Variants in CDH18 observed in about 807,000 individuals in gnomAD.
CDH18 encodes the protein cadherin-18.
In CDH18, 31 loss-of-function variants were observed where a neutral mutation model predicts 67.9. The observed-to-expected ratio is 0.46, with a 90% confidence interval of 0.34 to 0.62. The LOEUF is 0.62. Among genes scored for constraint, CDH18 ranks in the 20% least tolerant of loss-of-function variants. The pLI is 0.01. For synonymous variants in CDH18, 362 were observed against 347.2 expected (o/e 1.04, Z -0.48); for missense variants, 890 against 975.5 (o/e 0.91, Z 1.17).
intron 2 of CDH18, among the ~76,000 whole-genome samples, chr5:19,887,572 C>CT (rs560478741): frequency 1.3e-3 from 203 of 150,430 alleles, no homozygotes; most frequent in African/African-American, 2.6e-3. Context: ...CTGGGACTTG[C>CT]TTTTTTTTTC....
At chr5:19,704,766 T>C (rs1435398153) in intron 5 of CDH18, among the ~76,000 whole-genome samples, 1 of 152,124 alleles carries the variant, frequency 6.6e-6, no homozygotes, top group East Asian at 1.9e-4. Context: ...AGCTCCAACA[T>C]TTTCCCCCTG....
intron 2 of CDH18, among the ~76,000 whole-genome samples, chr5:19,886,539 C>T (rs960622933): frequency 6.6e-6 from 1 of 152,122 alleles, no homozygotes; most frequent in South Asian, 2.1e-4. Flanking sequence ...TTAGGATGTT[C>T]CTGAGATTTG....
intron 3 of CDH18, among the ~76,000 whole-genome samples, chr5:19,811,010 A>G (rs957254217): frequency 1.3e-5 from 2 of 150,966 alleles, no homozygotes; most frequent in African/African-American, 4.9e-5. Context: ...ATGACAGAAA[A>G]AGACTCTGTC....
intron 1 of CDH18, among the ~76,000 whole-genome samples, chr5:20,293,272 A>T (rs980432733): frequency 2.6e-5 from 4 of 152,110 alleles, no homozygotes; most frequent in Admixed American, 2.0e-4. Context: ...AGCTGAGATC[A>T]CGCCATTGCA....
chr5:19,506,314 G>A (rs551715545), intron 10 of CDH18, among the ~76,000 whole-genome samples: 8 of 152,200 alleles, frequency 5.3e-5, no homozygotes, highest in Admixed American at 2.6e-4. Flanking sequence ...AATCAATATT[G>A]TGAAAATGGC....
intron 1 of CDH18, among the ~76,000 whole-genome samples, chr5:20,354,923 T>C (rs6870586): frequency 2.6e-5 from 4 of 152,008 alleles, no homozygotes; most frequent in Admixed American, 6.6e-5. Context: ...ATGAAAGGTA[T>C]GCTTCCAATA....
intron 1 of CDH18, among the ~76,000 whole-genome samples, chr5:20,259,391 T>A (rs549940009): frequency 6.6e-6 from 1 of 152,154 alleles, no homozygotes; most frequent in Non-Finnish European, 1.5e-5. Flanking sequence ...TTGAACTACA[T>A]GGTTCCATTT....
chr5:20,498,882 A>G lies in CDH18; in HGVS notation c.-580+76580T>C, dbSNP rs1027058491. Among the ~76,000 whole-genome samples, 6 of 152,236 alleles carry G rather than the reference A, an allele frequency of 3.9e-5. No individual in the cohort carries two copies. In the South Asian group the frequency reaches 1.2e-3, roughly 32 times the overall value. On this transcript the variant is annotated intron_variant, in intron 1 of 14. Coordinates refer to the CDH18 transcript ENST00000507958. ...ATTAAATTCTACATTTCATATTTCT[A>G]TGCTTAAAATGGTTGTAACTTAACA...
At chr5:20,241,124 C>T (rs1340151222) in intron 2 of CDH18, among the ~76,000 whole-genome samples, 1 of 152,032 alleles carries the variant, frequency 6.6e-6, no homozygotes, top group Non-Finnish European at 1.5e-5. Context: ...TGGATATGAA[C>T]ACAAATATAA....
At chr5:19,530,368 G>T (rs1201591019) in intron 9 of CDH18, among the ~76,000 whole-genome samples, 6 of 151,086 alleles carry the variant, frequency 4.0e-5, no homozygotes, top group Admixed American at 2.0e-4. Flanking sequence ...GTTTGGCAAA[G>T]AATTATTCGA....
chr5:20,568,218 G>A (rs1016555192), intron 1 of CDH18, among the ~76,000 whole-genome samples: 2 of 152,138 alleles, frequency 1.3e-5, no homozygotes, highest in African/African-American at 4.8e-5. Context: ...TAAAGAAAAT[G>A]AACTTGAGAG....
intron 2 of CDH18, among the ~76,000 whole-genome samples, chr5:20,125,912 C>A (rs1748781419): frequency 6.6e-6 from 1 of 152,050 alleles, no homozygotes; most frequent in Non-Finnish European, 1.5e-5. Context: ...CAATTCAATG[C>A]AAACCCATTC....
chr5:20,452,262 A>T (rs1750506159), intron 1 of CDH18, among the ~76,000 whole-genome samples: 1 of 152,122 alleles, frequency 6.6e-6, no homozygotes. Flanking sequence ...ACATTAAACA[A>T]ATTGTACTAT....
upstream of CDH18, among the ~76,000 whole-genome samples, chr5:19,990,579 T>A (rs1192983158): frequency 6.6e-6 from 1 of 152,210 alleles, no homozygotes; most frequent in African/African-American, 2.4e-5. Flanking sequence ...GAAGGATTTG[T>A]ATCTATGAAG....
At chr5:20,038,578 C>T (rs1188641029) in intron 2 of CDH18, among the ~76,000 whole-genome samples, 1 of 151,906 alleles carries the variant, frequency 6.6e-6, no homozygotes, top group Non-Finnish European at 1.5e-5. Flanking sequence ...ACATAAACAA[C>T]CCAATGACAA....
At chr5:20,532,748 C>T (rs977449286) in intron 1 of CDH18, among the ~76,000 whole-genome samples, 2 of 152,092 alleles carry the variant, frequency 1.3e-5, no homozygotes, top group African/African-American at 2.4e-5. Context: ...CTCAAAATCT[C>T]AAGCTTTCTG....
chr5:19,706,536 T>C (rs1763987716), intron 5 of CDH18, among the ~76,000 whole-genome samples: 1 of 152,192 alleles, frequency 6.6e-6, no homozygotes, highest in Admixed American at 6.6e-5. Flanking sequence ...ACATGTTCCC[T>C]GATTTGGGAG....
intron 3 of CDH18, among the ~76,000 whole-genome samples, chr5:19,757,482 A>G (rs1003424843): frequency 6.6e-6 from 1 of 152,172 alleles, no homozygotes; most frequent in Admixed American, 6.5e-5. Flanking sequence ...TGTAACCTCC[A>G]TCCCTGCCAA....
chr5:20,119,524 A>G (rs1477634189), intron 2 of CDH18, among the ~76,000 whole-genome samples: 1 of 152,204 alleles, frequency 6.6e-6, no homozygotes, highest in Non-Finnish European at 1.5e-5. Context: ...TAAATTAATA[A>G]AAGAGTAGAA....
Sources: allele counts gnomAD v4.1 joint callset (sites outside exome capture counted in the v4.1 genomes callset), GRCh38; gene constraint gnomAD v4.1.1; transcripts MANE v1.5; gene names NCBI Gene and HGNC (gene_info 2026-07-23, HGNC 2026-07-21).